CERS5: variants seen among roughly 807,000 people sequenced by gnomAD.
The protein encoded by CERS5 is LAG1 homolog, ceramide synthase 5.
In CERS5, 37 loss-of-function variants were observed where a neutral mutation model predicts 58.9. That is an observed-to-expected ratio of 0.63 (90% CI 0.48 to 0.83). The LOEUF (loss-of-function observed/expected upper bound fraction) is 0.83, where lower values mean the gene tolerates loss of function less well. Among genes scored for constraint, CERS5 ranks in the 40% least tolerant of loss-of-function variants. CERS5 has a pLI of 0.00. For synonymous variants in CERS5, 147 were observed against 177.8 expected, an observed-to-expected ratio of 0.83 and a Z score of 1.38; for missense variants, 398 against 489.3, an observed-to-expected ratio of 0.81 and a Z score of 1.76.
At chr12:50,148,938 A>ATATATATATATATATATC (rs1456537910) in intron 1 of CERS5, among the ~76,000 whole-genome samples, 1 of 133,562 alleles carries the variant, frequency 7.5e-6, no homozygotes, top group East Asian at 2.0e-4. Context: ...ATATATATAT[A>ATATATATATATATATATC]TATATATATG....
intron 1 of CERS5, chr12:50,145,132 C>T (rs1247082543): frequency 4.6e-5 from 5 of 108,940 alleles, no homozygotes; most frequent in South Asian, 3.1e-4. Flanking sequence ...TGTGAGAATC[C>T]GTCTCAAAAA....
intron 1 of CERS5, among the ~76,000 whole-genome samples, chr12:50,161,121 G>C (rs1336576149): frequency 6.6e-6 from 1 of 152,186 alleles, no homozygotes; most frequent in East Asian, 1.9e-4. Context: ...CTGTGCAAGA[G>C]TACAGTCCAC....
intron 1 of CERS5, among the ~76,000 whole-genome samples, chr12:50,164,121 A>G (rs1939611379): frequency 6.6e-6 from 1 of 150,992 alleles, no homozygotes; most frequent in Admixed American, 6.6e-5. Flanking sequence ...CACTATGCCC[A>G]GCTAATTTTT....
intron 1 of CERS5, among the ~76,000 whole-genome samples, chr12:50,155,002 C>T (rs1298039797): frequency 6.6e-6 from 1 of 152,084 alleles, no homozygotes; most frequent in Non-Finnish European, 1.5e-5. Flanking sequence ...GGACTATAGG[C>T]GTGCACCACC....
intron 1 of CERS5, among the ~76,000 whole-genome samples, chr12:50,146,941 T>C (rs771377278): frequency 2.0e-5 from 3 of 152,200 alleles, no homozygotes; most frequent in Non-Finnish European, 2.9e-5. Context: ...CCAGATGTGA[T>C]TGGAAAATAA....
At chr12:50,149,148 G>A (rs74090081) in intron 1 of CERS5, among the ~76,000 whole-genome samples, 234 of 151,960 alleles carry the variant, frequency 1.5e-3, no homozygotes, top group African/African-American at 5.5e-3. Context: ...GAAAACTGCT[G>A]TGCTAGATGA....
At chr12:50,158,197 G>C (rs1401161948) in intron 1 of CERS5, among the ~76,000 whole-genome samples, 4 of 152,032 alleles carry the variant, frequency 2.6e-5, no homozygotes, top group Non-Finnish European at 5.9e-5. Flanking sequence ...GTGAATTCAG[G>C]CCAAAGTGGT....
chr12:50,136,952 TC>T (rs1435654620), intron 6 of CERS5, among the ~76,000 whole-genome samples: 1 of 152,224 alleles, frequency 6.6e-6, no homozygotes, highest in East Asian at 1.9e-4. Flanking sequence ...GTGACCTGTG[TC>T]TTCTGACCAT....
Position 50,167,281 on chromosome 12 carries a change from T to G in CERS5, c.17A>C (p.Gln6Pro). 6.5e-7 allele frequency: 1 copy of G among 1,548,456 alleles called. No homozygotes were observed. The highest frequency in any genetic ancestry group is 8.6e-7 in the Non-Finnish European group (1 of 1,156,098). Residue 6 changes from glutamine to proline, a missense_variant, in exon 1 of 10, where the codon CAG becomes CCG. Physicochemically the swap from Gln to Pro is moderately conservative, Grantham distance 76. Around this residue, in one of 3 missense-constraint regions of CERS5, gnomAD observed 328 missense variants for 384.5 expected, o/e 0.85. Coordinates refer to ENST00000317551, the MANE Select transcript of CERS5 (RefSeq NM_147190.5). MATAA[Q>P]GPLSLLWGWL... ...GCCCCACAGCAAGCTTAGGGGTCCC[T>G]GCGCTGCTGTCGCCATCTTACGCCC...
At position 50,145,241 on chromosome 12, in the gene CERS5, T is replaced by C. The variant is rs774555325; in HGVS notation, c.198-1184A>G. On this transcript the variant is annotated intron_variant, in intron 1 of 9. Transcript: ENST00000317551. ...TATCTAAGATTCTATGATGTTATCATTGATTGATTATAATTAATTTCCAAC... is the reference window on the plus strand; with the variant it reads ...TATCTAAGATTCTATGATGTTATCACTGATTGATTATAATTAATTTCCAAC... 1.4e-4 allele frequency among the ~76,000 whole-genome samples: 21 copies of C among 152,162 alleles called. No individual in the cohort carries two copies. In the South Asian group the frequency reaches 2.3e-3, roughly 17 times the overall value.
At chr12:50,167,017 C>T in intron 1 of CERS5, 84 bp downstream of exon 1, 1 of 1,141,688 alleles carries the variant, frequency 8.8e-7, no homozygotes, top group Non-Finnish European at 1.2e-6. Context: ...CCTTGCAGTT[C>T]TGCTTCCGGC....
At chr12:50,161,293 T>C (rs1015431471) in intron 1 of CERS5, among the ~76,000 whole-genome samples, 17 of 152,202 alleles carry the variant, frequency 1.1e-4, no homozygotes, top group Admixed American at 7.9e-4. Flanking sequence ...CAGTTCTCTA[T>C]AGGGAATATG....
rs201562974 is a variant in CERS5 at position 50,144,077 on chromosome 12, C to A, written c.198-20G>T. ...ATAAATCTGTAATGGAGAAAACCCACGGGCCAATTCTTTTTAAAAAAATTT... is the reference window on the plus strand; with the variant it reads ...ATAAATCTGTAATGGAGAAAACCCAAGGGCCAATTCTTTTTAAAAAAATTT... On this transcript the variant is annotated intron_variant, in intron 1 of 9. Transcript: ENST00000317551. 2.8e-6 allele frequency: 4 copies of A among 1,420,168 alleles called. No individual in the cohort carries two copies. In the African/African-American group the frequency reaches 4.3e-5, roughly 15 times the overall value. The allele number at this position is 1,420,168 out of a possible 1,614,324, so 88.0% of individuals were successfully genotyped here. A position where few individuals can be genotyped will look rare whatever the true frequency, so the allele number is the denominator to read the frequency against.
intron 4 of CERS5, among the ~76,000 whole-genome samples, chr12:50,141,671 G>A (rs1264750839): frequency 6.6e-6 from 1 of 152,118 alleles, no homozygotes; most frequent in East Asian, 1.9e-4. Flanking sequence ...AGGCTCAGTG[G>A]CTCATGCCTG....
At chr12:50,156,417 A>C (rs1333386586) in intron 1 of CERS5, among the ~76,000 whole-genome samples, 3 of 45,890 alleles carry the variant, frequency 6.5e-5, no homozygotes, top group African/African-American at 2.5e-4. Flanking sequence ...ACAAACAAAC[A>C]AACTATATAT....
At chr12:50,149,042 C>A (rs933076731) in intron 1 of CERS5, among the ~76,000 whole-genome samples, 1 of 144,574 alleles carries the variant, frequency 6.9e-6, no homozygotes, top group African/African-American at 2.6e-5. Flanking sequence ...TTTTCTAAAA[C>A]AGTAGACATT....
intron 9 of CERS5, chr12:50,133,386 G>T: frequency 2.9e-6 from 3 of 1,051,538 alleles, no homozygotes; most frequent in East Asian, 1.5e-4. Context: ...GCATAAGATG[G>T]GTATTTGAAA....
chr12:50,135,208 AGAGG>A (rs150906971), intron 8 of CERS5, among the ~76,000 whole-genome samples: 10,897 of 49,966 alleles, frequency 0.22, 2,622 homozygotes, highest in East Asian at 0.73. Context: ...GAGAGAGAGG[AGAGG>A]GAGGGAGAGA....
chr12:50,146,111 C>A (rs1009398634), intron 1 of CERS5, among the ~76,000 whole-genome samples: 1 of 152,176 alleles, frequency 6.6e-6, no homozygotes, highest in African/African-American at 2.4e-5. Flanking sequence ...AATCCAGAGG[C>A]AGTCAGCTGA....
Sources: allele counts gnomAD v4.1 joint callset (sites outside exome capture counted in the v4.1 genomes callset), GRCh38; gene constraint gnomAD v4.1.1; regional missense constraint gnomAD v4.1.1; transcripts MANE v1.5; gene names NCBI Gene and HGNC (gene_info 2026-07-23, HGNC 2026-07-21).